The following VDAC1 variants were observed in gnomAD, a reference collection of about 807,000 sequenced individuals.
The protein encoded by VDAC1 is voltage dependent anion channel 1.
Under a neutral mutation model 34.7 loss-of-function variants are expected in VDAC1, and 10 were observed. The observed-to-expected ratio is 0.29, with a 90% CI of 0.18 to 0.49. VDAC1 has a LOEUF of 0.49. VDAC1 is among the 20% of genes least tolerant of loss of function. The pLI is 0.99. For missense variants in VDAC1, 230 were observed against 347.9 expected (o/e 0.66, Z 2.69); for synonymous variants, 130 against 136.0 (o/e 0.96, Z 0.30).
chr5:134,044,481 C>T, the VDAC1 span, among the ~76,000 whole-genome samples: 2 of 152,188 alleles, frequency 1.3e-5, no homozygotes, highest in African/African-American at 4.8e-5. Context: ...CTTCCAAGGC[C>T]CTGCTAAGCT....
At chr5:134,025,313 A>G in the VDAC1 span, among the ~76,000 whole-genome samples, 2 of 152,246 alleles carry the variant, frequency 1.3e-5, no homozygotes, top group South Asian at 2.1e-4. Flanking sequence ...AGATCTCATG[A>G]TAACTCTTTA....
the VDAC1 span, among the ~76,000 whole-genome samples, chr5:134,059,071 GGCA>G: frequency 3.9e-5 from 6 of 152,344 alleles, no homozygotes; most frequent in South Asian, 1.2e-3. Context: ...ACCCATGGTC[GGCA>G]ACAGGCCATG....
chr5:134,048,178 C>T, the VDAC1 span, among the ~76,000 whole-genome samples: 2 of 152,036 alleles, frequency 1.3e-5, no homozygotes, highest in African/African-American at 4.8e-5. Flanking sequence ...CCCTGTTAGC[C>T]AGGATGGTCT....
At chr5:134,067,551 T>TCAGAGG in the VDAC1 span, among the ~76,000 whole-genome samples, 1 of 150,378 alleles carries the variant, frequency 6.6e-6, no homozygotes, top group South Asian at 2.1e-4. Context: ...TAATGCTACC[T>TCAGAGG]CAGAGGCAGA....
At chr5:134,111,945 G>C in the VDAC1 span, among the ~76,000 whole-genome samples, 2 of 152,206 alleles carry the variant, frequency 1.3e-5, no homozygotes, top group African/African-American at 4.8e-5. Context: ...CTATGTCACA[G>C]GGTTGGTGTG....
At chr5:134,045,163 C>T in the VDAC1 span, among the ~76,000 whole-genome samples, 1 of 152,214 alleles carries the variant, frequency 6.6e-6, no homozygotes, top group Non-Finnish European at 1.5e-5. Flanking sequence ...GAACTAGATT[C>T]CCAAAGAAAG....
chr5:134,014,918 G>C, the VDAC1 span, among the ~76,000 whole-genome samples: 4 of 152,124 alleles, frequency 2.6e-5, no homozygotes, highest in Non-Finnish European at 4.4e-5. Flanking sequence ...ATGTAGGTTT[G>C]TCACAGCGTG....
the VDAC1 span, among the ~76,000 whole-genome samples, chr5:134,077,542 C>A: frequency 6.6e-6 from 1 of 152,210 alleles, no homozygotes; most frequent in African/African-American, 2.4e-5. Context: ...GTGACTTGTA[C>A]AATTCCCATC....
At chr5:134,113,077 A>T in the VDAC1 span, among the ~76,000 whole-genome samples, 1 of 152,168 alleles carries the variant, frequency 6.6e-6, no homozygotes, top group East Asian at 1.9e-4. Context: ...GGAGGCTCTG[A>T]ACTCCCGTCC....
At chr5:134,015,231 G>C in the VDAC1 span, among the ~76,000 whole-genome samples, 1 of 150,658 alleles carries the variant, frequency 6.6e-6, no homozygotes, top group Non-Finnish European at 1.5e-5. Context: ...AGGGAGAGAG[G>C]GGGGCAAGGG....
chr5:134,017,177 G>A, the VDAC1 span, among the ~76,000 whole-genome samples: 4 of 152,124 alleles, frequency 2.6e-5, no homozygotes, highest in African/African-American at 9.7e-5. Context: ...CAATTTATAA[G>A]TATTTCAAGC....
At chr5:134,008,939 C>T (rs546879156), upstream of VDAC1, among the ~76,000 whole-genome samples, 192 of 152,234 alleles carry the variant, frequency 1.3e-3, no homozygotes, top group African/African-American at 4.5e-3. Flanking sequence ...TCTCAGGCCA[C>T]ACTCCCCACA....
At chr5:134,085,672 G>A in the VDAC1 span, among the ~76,000 whole-genome samples, 1 of 129,430 alleles carries the variant, frequency 7.7e-6, no homozygotes, top group South Asian at 2.6e-4. Context: ...AGGATCACTC[G>A]AGGTTAGGAG....
intron 1 of VDAC1, among the ~76,000 whole-genome samples, chr5:133,996,019 A>G (rs1011209406): frequency 6.6e-6 from 1 of 151,966 alleles, no homozygotes; most frequent in Non-Finnish European, 1.5e-5. Flanking sequence ...TCCACCCCCC[A>G]GGGGCCTTCA....
the VDAC1 span, among the ~76,000 whole-genome samples, chr5:134,015,826 G>C: frequency 2.0e-5 from 3 of 152,082 alleles, no homozygotes; most frequent in Admixed American, 2.0e-4. Flanking sequence ...TGTATTTTTA[G>C]TAGAGACGGG....
chr5:134,012,741 A>G, the VDAC1 span, among the ~76,000 whole-genome samples: 1 of 152,116 alleles, frequency 6.6e-6, no homozygotes, highest in African/African-American at 2.4e-5. Context: ...AAAAAAAACT[A>G]TTATAAAATT....
chr5:134,076,231 G>A, the VDAC1 span, among the ~76,000 whole-genome samples: 10 of 149,930 alleles, frequency 6.7e-5, no homozygotes, highest in Non-Finnish European at 7.4e-5. Context: ...CACCTGCCTC[G>A]GCCTCCCAAA....
chr5:134,090,171 C>T, the VDAC1 span, among the ~76,000 whole-genome samples: 1 of 152,170 alleles, frequency 6.6e-6, no homozygotes, highest in East Asian at 1.9e-4. Context: ...ATCCATGCTG[C>T]CTGAATGTCC....
At position 133,972,720 on chromosome 5, in the gene VDAC1, G is replaced by C. The variant is rs1234834985; in HGVS notation, c.*51C>G. ...ATTAAAAGATACACTAAATTCTGAA[G>C]GTAGCTATGCTGCAAAATAGTTTAA... On this transcript the variant is annotated 3_prime_UTR_variant, in exon 9 of 9. Coordinates refer to ENST00000265333, the MANE Select transcript of VDAC1 (RefSeq NM_003374.3). 2.5e-6 allele frequency: 3 copies of C among 1,180,912 alleles called. No homozygotes were observed. Among genetic ancestry groups the C allele is most frequent in the Non-Finnish European group, 3.7e-6 (3 of 806,654 alleles). The allele number at this position is 1,180,912 out of a possible 1,614,324, so 73.2% of individuals were successfully genotyped here.
Sources: allele counts gnomAD v4.1 joint callset (sites outside exome capture counted in the v4.1 genomes callset), GRCh38; gene constraint gnomAD v4.1.1; transcripts MANE v1.5; gene names NCBI Gene and HGNC (gene_info 2026-07-23, HGNC 2026-07-21).